Variants in SAA2 observed in about 807,000 individuals in gnomAD.
The protein encoded by SAA2 is serum amyloid A2.
Under a neutral mutation model 9.1 loss-of-function variants are expected in SAA2, and 5 were observed. The observed-to-expected ratio is 0.55, with a 90% confidence interval of 0.29 to 1.16. The LOEUF (loss-of-function observed/expected upper bound fraction) is 1.16, where lower values mean the gene tolerates loss of function less well. Ranked by LOEUF, SAA2 falls within the 50% of genes most tolerant of loss-of-function variation. SAA2 has a pLI of 0.09. For missense variants in SAA2, 94 were observed against 153.8 expected, an observed-to-expected ratio of 0.61 and a Z score of 2.06; for synonymous variants, 49 against 59.8, an observed-to-expected ratio of 0.82 and a Z score of 0.83.
At chr11:18,242,778 T>C, downstream of SAA2, 2 of 700,986 alleles carry the variant, frequency 2.9e-6, no homozygotes, top group Non-Finnish European at 5.2e-6. Context: ...CCCCGGGAGG[T>C]CGAGGTTGCA....
chr11:18,239,841 A>G, exon 4 of SAA2: 1 of 1,427,848 alleles, frequency 7.0e-7, no homozygotes, highest in Non-Finnish European at 9.3e-7. Context: ...CACAGGTTCC[A>G]AAGGCCATGG....
chr11:18,240,651 G>A (rs778828912), downstream of SAA2, among the ~76,000 whole-genome samples: 26 of 152,034 alleles, frequency 1.7e-4, no homozygotes, highest in Non-Finnish European at 3.4e-4. Context: ...TCAATAAACG[G>A]TGCTGATAAA....
At chr11:18,242,638 G>T, downstream of SAA2, 1 of 592,994 alleles carries the variant, frequency 1.7e-6, no homozygotes, top group South Asian at 2.0e-5. Context: ...TTGAGCCCAG[G>T]AGTTCAAGAC....
At position 18,247,935 on chromosome 11, in the gene SAA2, C is replaced by T. The variant is rs533131448; in HGVS notation, c.77G>A (p.Gly26Asp). The T allele has an allele frequency of 1.2e-6, 2 of 1,613,854 alleles. No homozygotes were observed. The highest frequency in any genetic ancestry group is 1.7e-5 in the Admixed American group (1 of 60,002). The stretch of plus-strand genomic sequence containing the variant: ...TGAAGCCTTACCATCAAAAGCCTCG[C>T]CAAGGAACGAAAAGAAGCTTCGGCT... ...VSSRSFFSFL[G>D]EAFDGARDMW... The change falls in exon 2 of 4, where the codon GGC becomes GAC. Residue 26 changes from glycine (G) to aspartate (D), a missense_variant. Gly to Asp is a moderately conservative substitution (Grantham distance 94). This residue lies in a region of SAA2 where 32 missense variants were observed against 95.5 expected (regional missense o/e 0.34). Transcript: ENST00000256733.
chr11:18,243,110 C>G (rs1395842349), downstream of SAA2, among the ~76,000 whole-genome samples: 3 of 152,010 alleles, frequency 2.0e-5, no homozygotes, highest in Admixed American at 6.5e-5. Flanking sequence ...TTTTCTTCCT[C>G]TGAACCTATG....
downstream of SAA2, among the ~76,000 whole-genome samples, chr11:18,238,558 T>C (rs772312314): frequency 1.3e-5 from 2 of 152,200 alleles, no homozygotes; most frequent in Non-Finnish European, 2.9e-5. Flanking sequence ...TATATAATTA[T>C]GGGGTACATG....
chr11:18,241,215 C>A (rs1857336527), downstream of SAA2, among the ~76,000 whole-genome samples: 1 of 151,948 alleles, frequency 6.6e-6, no homozygotes, highest in African/African-American at 2.4e-5. Flanking sequence ...ATGGCTATTA[C>A]TAAAATGTCA....
chr11:18,241,576 T>C (rs1857347314), downstream of SAA2, among the ~76,000 whole-genome samples: 1 of 152,160 alleles, frequency 6.6e-6, no homozygotes, highest in Non-Finnish European at 1.5e-5. Flanking sequence ...TATTCAGCCA[T>C]TAAAAAGAAT....
chr11:18,242,618 G>C, downstream of SAA2: 1 of 573,802 alleles, frequency 1.7e-6, no homozygotes, highest in African/African-American at 1.9e-5. Flanking sequence ...GGCTGAGGCA[G>C]GCAGATCACT....
intron 3 of SAA2, 44 bp from the exon 4 acceptor site, chr11:18,245,559 T>C (rs757248054): frequency 1.6e-5 from 25 of 1,608,276 alleles, no homozygotes; most frequent in Middle Eastern, 3.3e-4. Context: ...ATCAGGCCAG[T>C]GAGCAACAGC....
chr11:18,248,329 C>T (rs555539465), intron 1 of SAA2: 12 of 300,510 alleles, frequency 4.0e-5, no homozygotes, highest in African/African-American at 2.6e-4. Flanking sequence ...GTTCCCTCTG[C>T]CCCGCACAGA....
chr11:18,241,384 G>A (rs556712405), downstream of SAA2, among the ~76,000 whole-genome samples: 3 of 152,262 alleles, frequency 2.0e-5, no homozygotes, highest in East Asian at 5.8e-4. Flanking sequence ...CCATTACTGG[G>A]TACTACCCAA....
downstream of SAA2, chr11:18,242,959 A>G: frequency 1.6e-6 from 1 of 610,188 alleles, no homozygotes; most frequent in South Asian, 1.9e-5. Flanking sequence ...AAACCAAGTA[A>G]TTAATAAAAG....
At chr11:18,246,429 G>T (rs2134145341) in intron 2 of SAA2, among the ~76,000 whole-genome samples, 1 of 152,348 alleles carries the variant, frequency 6.6e-6, no homozygotes, top group South Asian at 2.1e-4. Flanking sequence ...GTGACTGTTA[G>T]GAGCATAAAA....
chr11:18,245,470 C>T lies in SAA2; in HGVS notation c.276G>A (p.Glu92=), dbSNP rs1346934476. 1 of 1,614,192 alleles carries T rather than the reference C, an allele frequency of 6.2e-7. No homozygotes were observed. The highest frequency in any genetic ancestry group is 1.7e-5 in the Admixed American group (1 of 60,032). The part of the protein sequence containing the change: ...NIQRLTGRGA[E]DSLADQAANK... ...TGGCAGCCTGATCGGCCAGCGAGTC[C>T]TCCGCACCACGGCCTGTGAGTCTCT... The change falls in exon 4 of 4, where the codon GAG becomes GAA. Residue 92 remains glutamate, a synonymous_variant. Transcript: ENST00000256733.
downstream of SAA2, chr11:18,242,688 A>G: frequency 1.5e-6 from 1 of 668,158 alleles, no homozygotes; most frequent in Non-Finnish European, 2.7e-6. Flanking sequence ...TCTACAAAAA[A>G]TATAAAAATT....
Position 18,245,474 on chromosome 11 carries a change from G to T in SAA2, c.272C>A (p.Ala91Glu), listed in dbSNP as rs143672526. ...AGCCTGATCGGCCAGCGAGTCCTCCGCACCACGGCCTGTGAGTCTCTGGAT... is the reference window on the plus strand; with the variant it reads ...AGCCTGATCGGCCAGCGAGTCCTCCTCACCACGGCCTGTGAGTCTCTGGAT... ...ENIQRLTGRG[A>E]EDSLADQAAN... Residue 91 changes from alanine (A) to glutamate (E), a missense_variant, in exon 4 of 4, where the codon GCG becomes GAG. By Grantham distance (107) the Ala-to-Glu change is moderately radical. Around this residue, in one of 2 missense-constraint regions of SAA2, gnomAD observed 62 missense variants for 58.3 expected, o/e 1.06. Transcript: ENST00000256733. 1 of 1,614,128 alleles carries T rather than the reference G, an allele frequency of 6.2e-7. No individual in the cohort carries two copies. The highest frequency in any genetic ancestry group is 8.5e-7 in the Non-Finnish European group (1 of 1,180,004).
At position 18,245,402 on chromosome 11, in the gene SAA2, G is replaced by A. The variant is rs779064015; in HGVS notation, c.344C>T (p.Pro115Leu). 3.7e-6 allele frequency: 6 copies of A among 1,614,272 alleles called. No homozygotes were observed. In the Admixed American group the frequency reaches 6.7e-5, roughly 18 times the overall value. ...TCAGTATTTCTCAGGCAGGCCAGCA[G>A]GTCGGAAGTGATTGGGGTCTCTGCC... ...RSGRDPNHFRPAGLPEKY is the reference protein window; with the variant it reads ...RSGRDPNHFRLAGLPEKY The change falls in exon 4 of 4, where the codon CCT becomes CTT. Residue 115 changes from proline to leucine, a missense_variant. This residue lies in a region of SAA2 where 62 missense variants were observed against 58.3 expected (regional missense o/e 1.06). Transcript: ENST00000256733.
intron 2 of SAA2, among the ~76,000 whole-genome samples, chr11:18,246,267 T>G (rs978655376): frequency 2.6e-5 from 4 of 152,170 alleles, no homozygotes; most frequent in African/African-American, 9.7e-5. Flanking sequence ...AGAATGAAGC[T>G]GCCTATGATA....
Sources: allele counts gnomAD v4.1 joint callset (sites outside exome capture counted in the v4.1 genomes callset), GRCh38; gene constraint gnomAD v4.1.1; regional missense constraint gnomAD v4.1.1; transcripts MANE v1.5; gene names NCBI Gene and HGNC (gene_info 2026-07-23, HGNC 2026-07-21).